DAPK2: variants seen among roughly 807,000 people sequenced by gnomAD.
DAPK2 encodes the protein death-associated protein kinase 2.
A neutral mutation model predicts 44.1 loss-of-function variants in DAPK2; 35 were observed. That is an observed-to-expected ratio of 0.79 (90% CI 0.61 to 1.05). The LOEUF (loss-of-function observed/expected upper bound fraction) is 1.05, where lower values mean the gene tolerates loss of function less well. DAPK2 is among the 50% of genes least tolerant of loss of function. The probability of loss-of-function intolerance (pLI) is 0.00; values close to 1 mark genes in which losing one functional copy is unlikely to be tolerated. For synonymous variants in DAPK2, 174 were observed against 182.6 expected, an observed-to-expected ratio of 0.95 and a Z score of 0.38; for missense variants, 453 against 483.2, an observed-to-expected ratio of 0.94 and a Z score of 0.59.
intron 3 of DAPK2, among the ~76,000 whole-genome samples, chr15:63,946,063 G>C (rs1428593895): frequency 6.6e-6 from 1 of 152,236 alleles, no homozygotes; most frequent in African/African-American, 2.4e-5. Context: ...CTGGAGGGAG[G>C]GGTCACATTC....
rs150790632 is a variant in DAPK2, at chr15:63,929,001, G to C, written c.659+550C>G. Among the ~76,000 whole-genome samples the C allele has an allele frequency of 3.0e-3, 460 of 152,272 alleles. 1 individual carries two copies. The highest frequency in any genetic ancestry group is 0.011 in the African/African-American group (440 of 41,554). ...ATGGACCACGAGGTTAGGAGTTCAA[G>C]ACCAGTCTGGCCAACATGGTGAAAC... On this transcript the variant is annotated intron_variant, in intron 6 of 10. Transcript: ENST00000261891.
At chr15:64,031,480 A>G (rs915698073) in intron 1 of DAPK2, among the ~76,000 whole-genome samples, 3 of 151,964 alleles carry the variant, frequency 2.0e-5, no homozygotes, top group Non-Finnish European at 2.9e-5. Flanking sequence ...CAATCCTCCC[A>G]CCTCGTCCTC....
At chr15:63,933,453 G>C (rs1226604024) in intron 4 of DAPK2, among the ~76,000 whole-genome samples, 2 of 152,104 alleles carry the variant, frequency 1.3e-5, no homozygotes, top group African/African-American at 4.8e-5. Flanking sequence ...ATGTTGGCCA[G>C]GCTGGTCTCA....
chr15:64,002,968 T>TGTGTGGGG (rs1567266576), intron 1 of DAPK2, among the ~76,000 whole-genome samples: 1 of 39,004 alleles, frequency 2.6e-5, no homozygotes. Flanking sequence ...GTGTGTGTCG[T>TGTGTGGGG]GGGACCTGTG....
At chr15:64,006,833 TG>T (rs2079243088) in intron 1 of DAPK2, among the ~76,000 whole-genome samples, 1 of 152,154 alleles carries the variant, frequency 6.6e-6, no homozygotes, top group East Asian at 1.9e-4. Flanking sequence ...GCCTGGCAGC[TG>T]GAGGAGGTGA....
intron 6 of DAPK2, 159 bp downstream of exon 7, chr15:63,929,392 A>G (rs1472502031): frequency 1.2e-6 from 1 of 850,730 alleles, no homozygotes; most frequent in Non-Finnish European, 1.8e-6. Flanking sequence ...GATGAAATGG[A>G]CCTACAGCAC....
At chr15:63,974,885 T>C (rs1237275562) in intron 2 of DAPK2, among the ~76,000 whole-genome samples, 1 of 152,226 alleles carries the variant, frequency 6.6e-6, no homozygotes, top group Non-Finnish European at 1.5e-5. Flanking sequence ...TATTATCTTA[T>C]TGCTGCAAAG....
rs576790709 is a variant in DAPK2 at position 63,908,876 on chromosome 15, T to C, written c.1033-276A>G. On this transcript the variant is annotated intron_variant, in intron 10 of 10. Transcript: ENST00000261891. The surrounding 1 kb of genome is among the most constrained non-coding windows in gnomAD (Gnocchi z 5.7). ...CCAAATTATAATAAAGAAAATTACA[T>C]CTAGTTCCCTTTGTGGCTGCCATAT... is the stretch of plus-strand genomic sequence containing the variant. The C allele has an allele frequency of 1.4e-3, 341 of 244,520 alleles. 5 individuals carry two copies. In the South Asian group the frequency reaches 0.033, roughly 24 times the overall value. 15.1% of individuals were successfully genotyped at this position (244,520 alleles called of 1,614,324 possible). A position where few individuals can be genotyped will look rare whatever the true frequency, so the allele number is the denominator to read the frequency against.
chr15:64,006,163 C>A (rs2079224373), intron 1 of DAPK2, among the ~76,000 whole-genome samples: 1 of 152,114 alleles, frequency 6.6e-6, no homozygotes, highest in African/African-American at 2.4e-5. Flanking sequence ...CAGGACCAAC[C>A]CACACTGAGT....
chr15:63,940,857 C>A (rs888341670), intron 3 of DAPK2, among the ~76,000 whole-genome samples: 11 of 151,996 alleles, frequency 7.2e-5, no homozygotes, highest in African/African-American at 2.7e-4. Context: ...TCCATTGATA[C>A]AAAATACCCA....
chr15:63,929,594 A>T lies in DAPK2; in HGVS notation c.633-17T>A, dbSNP rs763487376. On this transcript the variant is annotated splice_polypyrimidine_tract_variant and intron_variant, in intron 5 of 10. Coordinates refer to ENST00000261891, the Ensembl canonical transcript of DAPK2. The stretch of plus-strand genomic sequence containing the variant: ...CCTATGCTCCTGCAAAATAAAGAAC[A>T]GTCAAGTCAGGGCCACCTGGGTCCC... 1.9e-6 allele frequency: 3 copies of T among 1,613,986 alleles called. No individual in the cohort carries two copies. The highest frequency in any genetic ancestry group is 2.5e-6 in the Non-Finnish European group (3 of 1,179,946).
chr15:63,967,454 G>A (rs1378859852), intron 3 of DAPK2, among the ~76,000 whole-genome samples: 3 of 152,190 alleles, frequency 2.0e-5, no homozygotes, highest in African/African-American at 7.2e-5. Flanking sequence ...GGGAGACCAA[G>A]GTGGGTGGTG....
intron 8 of DAPK2, chr15:63,924,479 T>C (rs1264520602): frequency 1.3e-5 from 3 of 225,068 alleles, no homozygotes; most frequent in African/African-American, 2.3e-5. Context: ...ACCTGGGGAG[T>C]CCTGATTTCC....
chr15:64,006,502 G>T (rs1036091843), intron 1 of DAPK2, among the ~76,000 whole-genome samples: 1 of 152,010 alleles, frequency 6.6e-6, no homozygotes, highest in Non-Finnish European at 1.5e-5. Context: ...GAGAAGCAAG[G>T]AACTCCCCCA....
At position 63,939,950 on chromosome 15, in the gene DAPK2, C is replaced by T. The variant is rs959322654; in HGVS notation, c.454-589G>A. Among the ~76,000 whole-genome samples, 9 of 152,214 alleles carry T rather than the reference C, an allele frequency of 5.9e-5. No homozygotes were observed. The highest frequency in any genetic ancestry group is 2.9e-5 in the Non-Finnish European group (2 of 68,046). On this transcript the variant is annotated intron_variant, in intron 3 of 10. Coordinates refer to ENST00000261891, the Ensembl canonical transcript of DAPK2. This position sits in a 1 kb window ranked among gnomAD's most constrained non-coding sequence, Gnocchi z 4.3. ...CTCAGCAGGACACAGGAAAAATGCA[C>T]CCGATTTCCAGGGAAAATACCAGCT...
rs563530331 is a variant in DAPK2, at chr15:63,939,881, A to C, written c.454-520T>G. Among the ~76,000 whole-genome samples the C allele has an allele frequency of 3.9e-5, 6 of 152,052 alleles. No individual in the cohort carries two copies. In the South Asian group the frequency reaches 1.2e-3, roughly 32 times the overall value. ...GACAACATTCCCCTCCTCTAGACTC[A>C]CTGTGTAGCCCACACTTCTCTCTGC... On this transcript the variant is annotated intron_variant, in intron 3 of 10. Coordinates refer to ENST00000261891, the Ensembl canonical transcript of DAPK2. The surrounding 1 kb of genome is among the most constrained non-coding windows in gnomAD (Gnocchi z 4.3).
intron 8 of DAPK2, chr15:63,922,995 G>T: frequency 1.3e-6 from 2 of 1,535,848 alleles, no homozygotes; most frequent in Non-Finnish European, 1.7e-6. Context: ...ATGTCTTCTC[G>T]CAGCAGCTTC....
intron 2 of DAPK2, among the ~76,000 whole-genome samples, chr15:63,981,846 T>C (rs2078525008): frequency 6.6e-6 from 1 of 152,190 alleles, no homozygotes; most frequent in Non-Finnish European, 1.5e-5. Context: ...TGGAGGACAC[T>C]GGGAGCTAGC....
At chr15:63,926,049 G>A (rs2079251002) in exon 7 of DAPK2, 1 of 1,613,696 alleles carries the variant, frequency 6.2e-7, no homozygotes, top group Non-Finnish European at 8.5e-7. Flanking sequence ...ATTTGCCAGT[G>A]TTTCCTGCTT....
Sources: gnomAD v4.1 joint callset for allele counts (sites outside exome capture counted in the v4.1 genomes callset) on GRCh38, gnomAD v4.1.1 for gene constraint, Gnocchi (gnomAD v3.1) non-coding constraint, MANE v1.5 for transcripts, NCBI Gene and HGNC (gene_info 2026-07-23, HGNC 2026-07-21) for gene names.